RLF: variants seen among roughly 807,000 people sequenced by gnomAD.
The protein encoded by RLF is RLF zinc finger.
Under a neutral mutation model 162.9 loss-of-function variants are expected in RLF, and 7 were observed. The ratio of observed to expected loss-of-function variants is 0.04; its 90% confidence interval spans 0.02 to 0.08. RLF has a LOEUF of 0.08. Ranked by LOEUF, RLF falls within the 10% of genes least tolerant of loss-of-function variation. The pLI is 1.00. For synonymous variants in RLF, 782 were observed against 791.5 expected (o/e 0.99, Z 0.20); for missense variants, 1,664 against 2,244.7 (o/e 0.74, Z 5.23).
intron 1 of RLF, among the ~76,000 whole-genome samples, chr1:40,166,545 A>T (rs981505189): frequency 6.6e-6 from 1 of 152,070 alleles, no homozygotes; most frequent in East Asian, 1.9e-4. Flanking sequence ...CTTTAAGGAC[A>T]CAGGCACACG....
chr1:40,237,194 A>G lies in RLF; in HGVS notation c.2492A>G (p.Asn831Ser), dbSNP rs1439757066. Residue 831 changes from asparagine to serine, a missense_variant, in exon 8 of 8, where the codon AAT becomes AGT. By Grantham distance (46) the Asn-to-Ser change is conservative. Around this residue, in one of 15 missense-constraint regions of RLF, gnomAD observed 295 missense variants for 317.4 expected, o/e 0.93. Transcript: ENST00000372771. This position sits in a 1 kb window ranked among gnomAD's most constrained non-coding sequence, Gnocchi z 4.4. ...TCAATGCATAATGTTGAAAATTCAAATGGAGACATAAAGAAATCAGTGAAA... is the reference window on the plus strand; with the variant it reads ...TCAATGCATAATGTTGAAAATTCAAGTGGAGACATAAAGAAATCAGTGAAA... ...HLSMHNVENS[N>S]GDIKKSVKLE... The G allele has an allele frequency of 6.2e-7, 1 of 1,614,030 alleles. No homozygotes were observed. Among genetic ancestry groups the G allele is most frequent in the Non-Finnish European group, 8.5e-7 (1 of 1,179,976 alleles).
At chr1:40,185,513 G>T (rs1479857437) in intron 1 of RLF, among the ~76,000 whole-genome samples, 6 of 22,526 alleles carry the variant, frequency 2.7e-4, no homozygotes, top group African/African-American at 4.2e-4. Context: ...ACCTAATCTT[G>T]CATTAAAAAA....
intron 7 of RLF, among the ~76,000 whole-genome samples, 184 bp from the exon 8 acceptor site, chr1:40,235,608 G>T (rs1489314191): frequency 6.6e-6 from 1 of 152,142 alleles, no homozygotes; most frequent in East Asian, 1.9e-4. Context: ...CGTAGTTGTA[G>T]CATCTAATTT....
rs1269332940 is a variant in RLF, at chr1:40,239,529, TATA to T, written c.4829_4831del (p.Ile1610del). The T allele has an allele frequency of 6.2e-7, 1 of 1,613,972 alleles. No individual in the cohort carries two copies. The highest frequency in any genetic ancestry group is 8.5e-7 in the Non-Finnish European group (1 of 1,180,014). ...AACCCCCTTCTGAAGCAGATCCCTGTATAAAGAAAGAAGAAAATAGAAGCTGTG... is the reference window on the plus strand; with the variant it reads ...AACCCCCTTCTGAAGCAGATCCCTGTAAGAAAGAAGAAAATAGAAGCTGTG... On this transcript the variant is annotated inframe_deletion, in exon 8 of 8. Transcript: ENST00000372771.
At chr1:40,233,983 C>G (rs772166642) in intron 7 of RLF, among the ~76,000 whole-genome samples, 3 of 152,186 alleles carry the variant, frequency 2.0e-5, no homozygotes, top group African/African-American at 4.8e-5. Flanking sequence ...GAGTCTCACT[C>G]TGTTGCCCAG....
intron 1 of RLF, among the ~76,000 whole-genome samples, chr1:40,177,173 A>G (rs1353648628): frequency 6.6e-6 from 1 of 151,674 alleles, no homozygotes; most frequent in Non-Finnish European, 1.5e-5. Context: ...TTTAGATGAG[A>G]CAGGGTTTCG....
intron 5 of RLF, among the ~76,000 whole-genome samples, chr1:40,211,077 T>C (rs1407370054): frequency 3.3e-5 from 5 of 152,200 alleles, no homozygotes; most frequent in Non-Finnish European, 7.4e-5. Context: ...TGTGGCTGCT[T>C]TTGTGCTACA....
chr1:40,177,051 G>C (rs1425955114), intron 1 of RLF, among the ~76,000 whole-genome samples: 1 of 150,826 alleles, frequency 6.6e-6, no homozygotes, highest in Non-Finnish European at 1.5e-5. Context: ...GCAATGGCGC[G>C]ACCTTGACTC....
intron 5 of RLF, among the ~76,000 whole-genome samples, chr1:40,205,464 T>C (rs937718909): frequency 1.3e-5 from 2 of 151,288 alleles, no homozygotes; most frequent in Admixed American, 6.6e-5. Flanking sequence ...CTTAATTTAC[T>C]ATCGAACATT....
At chr1:40,187,357 G>C (rs1014194396) in intron 1 of RLF, among the ~76,000 whole-genome samples, 1 of 152,190 alleles carries the variant, frequency 6.6e-6, no homozygotes, top group Non-Finnish European at 1.5e-5. Flanking sequence ...TGAAATCTTA[G>C]TTATGTAACA....
At chr1:40,219,855 G>T (rs1235151165) in intron 5 of RLF, among the ~76,000 whole-genome samples, 1 of 152,258 alleles carries the variant, frequency 6.6e-6, no homozygotes, top group Non-Finnish European at 1.5e-5. Flanking sequence ...GACATTGGTA[G>T]AGAAAGTTAA....
At chr1:40,184,428 T>G (rs1461866597) in intron 1 of RLF, among the ~76,000 whole-genome samples, 2 of 152,194 alleles carry the variant, frequency 1.3e-5, no homozygotes, top group Non-Finnish European at 2.9e-5. Context: ...ATTTCTGAGA[T>G]AGAATCAACA....
intron 1 of RLF, among the ~76,000 whole-genome samples, chr1:40,187,426 G>A (rs142940824): frequency 6.6e-6 from 1 of 152,288 alleles, no homozygotes; most frequent in Non-Finnish European, 1.5e-5. Flanking sequence ...TTGCTTAGGG[G>A]TCAGTTTTAT....
intron 6 of RLF, among the ~76,000 whole-genome samples, chr1:40,229,800 C>G (rs755968118): frequency 2.6e-5 from 4 of 151,922 alleles, no homozygotes; most frequent in African/African-American, 9.7e-5. Flanking sequence ...ATCTTTGAAG[C>G]GAGTTTTATA....
chr1:40,230,471 G>A (rs1464145210), intron 6 of RLF, among the ~76,000 whole-genome samples: 8 of 151,798 alleles, frequency 5.3e-5, no homozygotes, highest in Non-Finnish European at 8.8e-5. Context: ...TTGCTCTGTC[G>A]CCTAGGCTGG....
At chr1:40,231,710 T>C (rs898648402) in intron 7 of RLF, 52 bp downstream of exon 7, 2 of 1,497,936 alleles carry the variant, frequency 1.3e-6, no homozygotes, top group African/African-American at 2.8e-5. Context: ...AAGAAATGAG[T>C]GGGAAGATAA....
Position 40,236,920 on chromosome 1 carries a change from C to G in RLF, c.2218C>G (p.Gln740Glu). The G allele has an allele frequency of 6.2e-7, 1 of 1,614,180 alleles. No homozygotes were observed. Among genetic ancestry groups the G allele is most frequent in the Non-Finnish European group, 8.5e-7 (1 of 1,180,026 alleles). Residue 740 changes from glutamine (Q) to glutamate (E), a missense_variant, in exon 8 of 8, where the codon CAG (glutamine) becomes GAG (glutamate). Around this residue, in one of 15 missense-constraint regions of RLF, gnomAD observed 69 missense variants for 206.4 expected, o/e 0.33. Coordinates refer to ENST00000372771, the MANE Select transcript of RLF (RefSeq NM_012421.4). This position sits in a 1 kb window ranked among gnomAD's most constrained non-coding sequence, Gnocchi z 7.7. ...GCACGAACAAGTGCATTGTGGGCCT[C>G]AGCCTTATATGTGTGTATCTATAGA... is the stretch of plus-strand genomic sequence containing the variant. ...REHEQVHCGPQPYMCVSIDCY... is the reference protein window; with the variant it reads ...REHEQVHCGPEPYMCVSIDCY...
At chr1:40,182,742 C>CAGATAGGTAGGT (rs1368144327) in intron 1 of RLF, among the ~76,000 whole-genome samples, 5 of 124,280 alleles carry the variant, frequency 4.0e-5, no homozygotes, top group Non-Finnish European at 6.6e-5. Flanking sequence ...AAAGTATAGA[C>CAGATAGGTAGGT]AGATAGATAG....
intron 5 of RLF, among the ~76,000 whole-genome samples, chr1:40,219,325 A>C (rs945398679): frequency 2.0e-5 from 3 of 152,170 alleles, no homozygotes; most frequent in African/African-American, 7.2e-5. Context: ...AGTGCTTGTC[A>C]TGTGAAGATC....
Sources: gnomAD v4.1 joint callset for allele counts (sites outside exome capture counted in the v4.1 genomes callset) on GRCh38, gnomAD v4.1.1 for gene constraint, gnomAD v4.1.1 regional missense constraint, Gnocchi (gnomAD v3.1) non-coding constraint, MANE v1.5 for transcripts, NCBI Gene and HGNC (gene_info 2026-07-23, HGNC 2026-07-21) for gene names.